PRKG1: variants seen among roughly 807,000 people sequenced by gnomAD.
PRKG1 encodes the protein protein kinase cGMP-dependent 1, also known as cGMP-dependent protein kinase 1.
Under a neutral mutation model 88.1 loss-of-function variants are expected in PRKG1, and 35 were observed. That is an observed-to-expected ratio of 0.40 (90% CI 0.30 to 0.53). The LOEUF is 0.53. PRKG1 is among the 20% of genes least tolerant of loss of function. PRKG1 has a pLI of 0.59. For missense variants in PRKG1, 540 were observed against 839.8 expected (o/e 0.64, Z 4.41); for synonymous variants, 303 against 292.5 (o/e 1.04, Z -0.37).
intron 3 of PRKG1, among the ~76,000 whole-genome samples, chr10:51,711,248 G>A (rs536852008): frequency 3.9e-5 from 6 of 152,174 alleles, no homozygotes; most frequent in Non-Finnish European, 5.9e-5. Flanking sequence ...TAGGACTACA[G>A]GCGCCCGCCA....
chr10:51,616,031 G>A (rs1276609083), intron 3 of PRKG1, among the ~76,000 whole-genome samples: 1 of 152,100 alleles, frequency 6.6e-6, no homozygotes, highest in Non-Finnish European at 1.5e-5. Context: ...TTGATTCTGG[G>A]TGCATGCAGT....
intron 5 of PRKG1, among the ~76,000 whole-genome samples, chr10:51,912,099 T>C (rs1309179490): frequency 1.3e-5 from 2 of 152,214 alleles, no homozygotes; most frequent in Non-Finnish European, 2.9e-5. Context: ...GAGGAGGTGA[T>C]ATTTAAACCA....
intron 9 of PRKG1, among the ~76,000 whole-genome samples, chr10:52,228,679 G>GTAA (rs1365545414): frequency 2.0e-5 from 3 of 152,160 alleles, no homozygotes; most frequent in Non-Finnish European, 2.9e-5. Flanking sequence ...ACATGGACCT[G>GTAA]TAATAATAAT....
At chr10:51,710,241 C>G (rs10508961) in intron 3 of PRKG1, among the ~76,000 whole-genome samples, 38,539 of 152,006 alleles carry the variant, frequency 0.25, 6,544 homozygotes, top group African/African-American at 0.49. Context: ...AGAGAATAGA[C>G]GATTTGAGCA....
intron 2 of PRKG1, among the ~76,000 whole-genome samples, chr10:51,431,886 G>A (rs4935251): frequency 0.4 from 60,072 of 151,842 alleles, 12,876 homozygotes; most frequent in Non-Finnish European, 0.49. Flanking sequence ...ACAAAACAAA[G>A]CAAAAAAGCC....
chr10:51,765,815 ATTTTTTTTTTTTTT>A (rs398046339), intron 3 of PRKG1, among the ~76,000 whole-genome samples: 1 of 134,608 alleles, frequency 7.4e-6, no homozygotes, highest in African/African-American at 2.7e-5. Context: ...GCCTTACATG[ATTTTTTTTTTTTTT>A]TTTTTTTTTT....
intron 3 of PRKG1, among the ~76,000 whole-genome samples, chr10:51,472,073 G>A (rs536497258): frequency 6.6e-6 from 1 of 151,696 alleles, no homozygotes; most frequent in African/African-American, 2.4e-5. Flanking sequence ...TAATAATGTT[G>A]GGTAAAAAAC....
chr10:51,554,088 C>CGTATGTGATAT (rs1837232398), intron 3 of PRKG1, among the ~76,000 whole-genome samples: 2 of 68,680 alleles, frequency 2.9e-5, no homozygotes, highest in East Asian at 2.8e-4. Flanking sequence ...GTATGTGATA[C>CGTATGTGATAT]GTGTATATAT....
chr10:52,072,752 C>T (rs1344588366), intron 7 of PRKG1, among the ~76,000 whole-genome samples: 1 of 152,168 alleles, frequency 6.6e-6, no homozygotes, highest in Non-Finnish European at 1.5e-5. Flanking sequence ...AACTCTCAAT[C>T]TGCTTCTCAC....
At chr10:51,987,618 A>G (rs1242228787) in intron 5 of PRKG1, among the ~76,000 whole-genome samples, 1 of 152,086 alleles carries the variant, frequency 6.6e-6, no homozygotes, top group Non-Finnish European at 1.5e-5. Flanking sequence ...TCACACTGTA[A>G]AAAAATGTAT....
At chr10:51,908,734 A>ATATATATATATTTTTTTT (rs563212069) in intron 5 of PRKG1, 4 of 52,220 alleles carry the variant, frequency 7.7e-5, no homozygotes, top group Non-Finnish European at 1.4e-4. Context: ...TCTATATGTA[A>ATATATATATATTTTTTTT]TTTTTTTTTT....
intron 1 of PRKG1, among the ~76,000 whole-genome samples, chr10:51,143,048 T>C (rs1845858922): frequency 6.6e-6 from 1 of 152,100 alleles, no homozygotes; most frequent in Non-Finnish European, 1.5e-5. Context: ...TACAGTTGCC[T>C]TGCTGTACAG....
At chr10:51,099,384 G>GACAC (rs71459403) in intron 1 of PRKG1, among the ~76,000 whole-genome samples, 18,195 of 148,412 alleles carry the variant, frequency 0.12, 1,076 homozygotes, top group East Asian at 0.22. Flanking sequence ...CAGCATTCAA[G>GACAC]ACACACACAC....
chr10:52,033,146 G>C (rs1025052106), intron 5 of PRKG1, among the ~76,000 whole-genome samples: 2 of 152,112 alleles, frequency 1.3e-5, no homozygotes, highest in Admixed American at 1.3e-4. Flanking sequence ...TGCCACCTTA[G>C]TACTTTCTAC....
At chr10:52,201,237 A>T (rs1318562320) in intron 9 of PRKG1, among the ~76,000 whole-genome samples, 1 of 152,054 alleles carries the variant, frequency 6.6e-6, no homozygotes, top group Non-Finnish European at 1.5e-5. Context: ...TGTATATAGT[A>T]TAAGGAAGGG....
At chr10:51,381,044 G>GT (rs907838494) in intron 2 of PRKG1, among the ~76,000 whole-genome samples, 1 of 151,716 alleles carries the variant, frequency 6.6e-6, no homozygotes, top group Non-Finnish European at 1.5e-5. Flanking sequence ...GTAAATGTGT[G>GT]TTTTTTCAGA....
At chr10:51,801,356 A>C (rs1207661677) in intron 3 of PRKG1, among the ~76,000 whole-genome samples, 1 of 152,106 alleles carries the variant, frequency 6.6e-6, no homozygotes, top group Non-Finnish European at 1.5e-5. Flanking sequence ...TATGCTTTTT[A>C]AATTTTTCAA....
At chr10:51,658,063 A>G (rs2132325377) in intron 3 of PRKG1, among the ~76,000 whole-genome samples, 1 of 152,330 alleles carries the variant, frequency 6.6e-6, no homozygotes, top group East Asian at 1.9e-4. Context: ...AGGCTCATGA[A>G]TGAACTGGAT....
rs1161807537 is a variant in PRKG1 at position 51,887,867 on chromosome 10, G to A, written c.699-19640G>A. 3.4e-4 allele frequency among the ~76,000 whole-genome samples: 51 copies of A among 152,180 alleles called. 1 individual carries two copies. Among genetic ancestry groups the A allele is most frequent in the Admixed American group, 3.3e-3 (50 of 15,272 alleles). On this transcript the variant is annotated intron_variant, in intron 4 of 17. Coordinates refer to ENST00000373980, the MANE Select transcript of PRKG1 (RefSeq NM_006258.4). ...TCTCTTATGAGATAGGTGGTAGCCA[G>A]AGGTTGTGGGGAGAAGGAAATAGGG...
Sources: gnomAD v4.1 joint callset for allele counts (sites outside exome capture counted in the v4.1 genomes callset) on GRCh38, gnomAD v4.1.1 for gene constraint, MANE v1.5 for transcripts, NCBI Gene and HGNC (gene_info 2026-07-23, HGNC 2026-07-21) for gene names.